TEX9: variants seen among roughly 807,000 people sequenced by gnomAD.
The protein encoded by TEX9 is testis-expressed protein 9.
A neutral mutation model predicts 59.6 loss-of-function variants in TEX9; 74 were observed. The observed-to-expected ratio is 1.24, with a 90% confidence interval of 1.03 to 1.51. The LOEUF is 1.51. TEX9 is among the 40% of genes most tolerant of loss of function. TEX9 has a pLI of 0.00. For synonymous variants in TEX9, 186 were observed against 152.2 expected, an observed-to-expected ratio of 1.22 and a Z score of -1.64; for missense variants, 522 against 447.8, an observed-to-expected ratio of 1.17 and a Z score of -1.49.
Position 56,314,595 on chromosome 15 carries a change from A to G in TEX9, c.-106-58846A>G, listed in dbSNP as rs1381084359. On this transcript the variant is annotated intron_variant, in intron 1 of 5. Transcript: ENST00000560827. ...CTATGTGGTCAATTTTGGAATAGGT[A>G]TGGTGTGGTGCTGAAAAAAAAGTAT... 1.3e-3 allele frequency among the ~76,000 whole-genome samples: 203 copies of G among 151,840 alleles called. 1 individual carries two copies. Among genetic ancestry groups the G allele is most frequent in the African/African-American group, 4.5e-3 (187 of 41,400 alleles).
intron 1 of TEX9, among the ~76,000 whole-genome samples, chr15:56,300,426 G>C (rs1230008802): frequency 5.9e-5 from 9 of 152,086 alleles, no homozygotes; most frequent in Non-Finnish European, 1.3e-4. Flanking sequence ...ACCCACCCTG[G>C]GCTCAGGTGG....
intron 4 of TEX9, among the ~76,000 whole-genome samples, chr15:56,385,882 A>G (rs1403856244): frequency 1.3e-5 from 2 of 152,088 alleles, no homozygotes; most frequent in Non-Finnish European, 2.9e-5. Flanking sequence ...CATGTGAAAT[A>G]TTGGGACATT....
intron 12 of TEX9, among the ~76,000 whole-genome samples, chr15:56,440,088 G>A (rs532506162): frequency 1.4e-4 from 21 of 152,196 alleles, no homozygotes; most frequent in Non-Finnish European, 2.8e-4. Flanking sequence ...AACCCAATTA[G>A]AGAATCAGCA....
At chr15:56,355,791 A>G (rs764707331) in intron 1 of TEX9, among the ~76,000 whole-genome samples, 6 of 152,018 alleles carry the variant, frequency 3.9e-5, no homozygotes, top group Non-Finnish European at 8.8e-5. Flanking sequence ...TATTTTGTAC[A>G]TGTTTTGGTA....
At chr15:56,329,211 C>G (rs545431958) in intron 1 of TEX9, among the ~76,000 whole-genome samples, 1 of 152,160 alleles carries the variant, frequency 6.6e-6, no homozygotes, top group Non-Finnish European at 1.5e-5. Flanking sequence ...CTAGAAGAAC[C>G]ACAACATTAC....
At chr15:56,442,890 A>T (rs1655114695) in intron 12 of TEX9, among the ~76,000 whole-genome samples, 1 of 152,032 alleles carries the variant, frequency 6.6e-6, no homozygotes. Flanking sequence ...AACCTAAAGT[A>T]AAAGTTGGAA....
At chr15:56,392,519 C>T (rs1490650164) in intron 7 of TEX9, among the ~76,000 whole-genome samples, 1 of 152,214 alleles carries the variant, frequency 6.6e-6, no homozygotes, top group East Asian at 1.9e-4. Context: ...CCACCAGGCC[C>T]CACCTCCAAC....
downstream of TEX9, chr15:56,447,632 A>G (rs2050916720): frequency 6.6e-6 from 1 of 152,150 alleles, no homozygotes; most frequent in Non-Finnish European, 1.5e-5. Flanking sequence ...AATATCACTG[A>G]ATATATTTTT....
At chr15:56,325,483 A>T (rs1185884218) in intron 1 of TEX9, among the ~76,000 whole-genome samples, 2 of 152,154 alleles carry the variant, frequency 1.3e-5, no homozygotes, top group Non-Finnish European at 2.9e-5. Flanking sequence ...GTTGCTCCAT[A>T]CTTAACCTCT....
At position 56,358,905 on chromosome 15, in the gene TEX9, C is replaced by T. The variant is rs142770285; in HGVS notation, c.-106-14536C>T. Among the ~76,000 whole-genome samples the T allele has an allele frequency of 4.6e-5, 7 of 152,194 alleles. No homozygotes were observed. In the East Asian group the frequency reaches 1.2e-3, roughly 25 times the overall value. On this transcript the variant is annotated intron_variant, in intron 1 of 5. Coordinates refer to the TEX9 transcript ENST00000560827. Reference sequence around the variant, plus strand: ...GTACTTGCTCTCTCTCCTGCCGCCACGTAAGACATGCCTGCTTCTCCTTCC... The same window carrying T: ...GTACTTGCTCTCTCTCCTGCCGCCATGTAAGACATGCCTGCTTCTCCTTCC...
At chr15:56,394,698 A>G (rs749653408) in exon 9 of TEX9, 2 of 1,608,132 alleles carry the variant, frequency 1.2e-6, no homozygotes, top group African/African-American at 1.3e-5. Context: ...CAAGTAAAAA[A>G]TTTTGAAGAA....
chr15:56,355,539 G>A (rs1360431494), intron 1 of TEX9, among the ~76,000 whole-genome samples: 2 of 152,060 alleles, frequency 1.3e-5, no homozygotes, highest in Non-Finnish European at 2.9e-5. Context: ...ATCAGTTATT[G>A]TTAATTCTTC....
chr15:56,247,734 A>C (rs1302732527), intron 1 of TEX9, among the ~76,000 whole-genome samples: 1 of 152,208 alleles, frequency 6.6e-6, no homozygotes, highest in Non-Finnish European at 1.5e-5. Context: ...CATACTGATT[A>C]AGTGCTGAAA....
At chr15:56,394,686 C>G (rs143792290) in exon 9 of TEX9, 7 of 1,602,770 alleles carry the variant, frequency 4.4e-6, no homozygotes, top group Non-Finnish European at 5.1e-6. Context: ...AATTTAAAGT[C>G]TCAAGTAAAA....
At chr15:56,354,576 A>T (rs2046650564) in intron 1 of TEX9, among the ~76,000 whole-genome samples, 1 of 152,216 alleles carries the variant, frequency 6.6e-6, no homozygotes, top group South Asian at 2.1e-4. Flanking sequence ...AACAAAGTTT[A>T]TTTCACAAGT....
At chr15:56,363,321 G>C (rs1003335151), upstream of TEX9, among the ~76,000 whole-genome samples, 5 of 150,824 alleles carry the variant, frequency 3.3e-5, no homozygotes, top group African/African-American at 9.8e-5. Flanking sequence ...CTGGAGTGCA[G>C]TGGTGCTATC....
chr15:56,336,483 C>A (rs998889689), intron 1 of TEX9, among the ~76,000 whole-genome samples: 2 of 152,030 alleles, frequency 1.3e-5, no homozygotes, highest in Non-Finnish European at 2.9e-5. Flanking sequence ...GGAAGAGGGC[C>A]CTCACCAGAG....
intron 9 of TEX9, among the ~76,000 whole-genome samples, chr15:56,399,292 A>G (rs1437601881): frequency 2.0e-5 from 3 of 152,248 alleles, no homozygotes; most frequent in African/African-American, 7.2e-5. Flanking sequence ...AGCAACCGGC[A>G]GACAAGGAGA....
At chr15:56,275,402 G>A (rs1226422597) in intron 1 of TEX9, among the ~76,000 whole-genome samples, 1 of 152,066 alleles carries the variant, frequency 6.6e-6, no homozygotes, top group Non-Finnish European at 1.5e-5. Flanking sequence ...CTGGTCTCTT[G>A]CTCTCTCCCA....
Sources: gnomAD v4.1 joint callset for allele counts (sites outside exome capture counted in the v4.1 genomes callset) on GRCh38, gnomAD v4.1.1 for gene constraint, MANE v1.5 for transcripts, NCBI Gene and HGNC (gene_info 2026-07-23, HGNC 2026-07-21) for gene names.